The following CRTC1 variants were observed in gnomAD, a reference collection of about 807,000 sequenced individuals.
CRTC1 encodes CREB regulated transcription coactivator 1, also known as CREB-regulated transcription coactivator 1.
In CRTC1, 18 loss-of-function variants were observed where a neutral mutation model predicts 66.1. That is an observed-to-expected ratio of 0.27 (90% CI 0.19 to 0.40). CRTC1 has a LOEUF of 0.40. Ranked by LOEUF, CRTC1 falls within the 10% of genes least tolerant of loss-of-function variation. CRTC1 has a pLI of 1.00. For missense variants in CRTC1, 669 were observed against 887.9 expected, an observed-to-expected ratio of 0.75 and a Z score of 3.13; for synonymous variants, 416 against 398.8, an observed-to-expected ratio of 1.04 and a Z score of -0.51.
chr19:18,685,651 C>A (rs1207405618), intron 1 of CRTC1, among the ~76,000 whole-genome samples: 1 of 152,106 alleles, frequency 6.6e-6, no homozygotes, highest in Non-Finnish European at 1.5e-5. Flanking sequence ...GAGTGAAACT[C>A]CATTTCAAAA....
At chr19:18,740,217 C>G (rs1402499010) in intron 1 of CRTC1, among the ~76,000 whole-genome samples, 1 of 151,798 alleles carries the variant, frequency 6.6e-6, no homozygotes, top group African/African-American at 2.4e-5. Context: ...AGTGCCACTG[C>G]ACTCCAGCCT....
Position 18,718,232 on chromosome 19 carries a change from A to T in CRTC1, c.127-24678A>T, listed in dbSNP as rs529328989. Among the ~76,000 whole-genome samples, 13 of 151,930 alleles carry T rather than the reference A, an allele frequency of 8.6e-5. 1 individual carries two copies. In the South Asian group the frequency reaches 2.7e-3, roughly 32 times the overall value. On this transcript the variant is annotated intron_variant, in intron 1 of 13. Coordinates refer to ENST00000321949, the MANE Select transcript of CRTC1 (RefSeq NM_015321.3). Reference sequence around the variant, plus strand: ...GATTTGCCTGTTCTGAGCATTTCAGATCGATGGAATCTCACACCCTGTGGC... The same window carrying T: ...GATTTGCCTGTTCTGAGCATTTCAGTTCGATGGAATCTCACACCCTGTGGC...
intron 6 of CRTC1, among the ~76,000 whole-genome samples, chr19:18,754,585 T>G (rs1358890429): frequency 6.6e-6 from 1 of 152,188 alleles, no homozygotes; most frequent in African/African-American, 2.4e-5. Context: ...GAGGAATGAA[T>G]AAGGAACAAT....
rs1365877400 is a variant in CRTC1 at position 18,743,043 on chromosome 19, CT to C, written c.243+18del. On this transcript the variant is annotated intron_variant, in intron 2 of 13. Transcript: ENST00000321949. ...CCCTTCCAGGTGAGTGCCCCGCCCC[CT>C]GGCCCTGCCCCATTGTGGGGAGCTT... The C allele has an allele frequency of 3.8e-6, 6 of 1,579,112 alleles. No individual in the cohort carries two copies. The highest frequency in any genetic ancestry group is 2.7e-5 in the African/African-American group (2 of 74,202).
At chr19:18,687,865 G>A (rs566923407) in intron 1 of CRTC1, among the ~76,000 whole-genome samples, 4 of 152,130 alleles carry the variant, frequency 2.6e-5, no homozygotes, top group Admixed American at 6.6e-5. Flanking sequence ...TTGGGGCGGA[G>A]GGGTGGGTGT....
rs376689675 is a variant in CRTC1, at chr19:18,738,047, C to T, written c.127-4863C>T. 3.7e-4 allele frequency among the ~76,000 whole-genome samples: 57 copies of T among 152,208 alleles called. 1 individual carries two copies. In the East Asian group the frequency reaches 9.1e-3, roughly 24 times the overall value. On this transcript the variant is annotated intron_variant, in intron 1 of 13. Transcript: ENST00000321949. ...TCAGAAGTTATACTGGAGTGGGGCA[C>T]GGTGGCTCATGCCTCTAATCCCAGC...
At chr19:18,692,647 C>A (rs1258877626) in intron 1 of CRTC1, among the ~76,000 whole-genome samples, 1 of 151,504 alleles carries the variant, frequency 6.6e-6, no homozygotes, top group Non-Finnish European at 1.5e-5. Flanking sequence ...GCGACCAGGT[C>A]CACGTGCTCT....
intron 1 of CRTC1, among the ~76,000 whole-genome samples, chr19:18,725,289 G>A (rs2053723832): frequency 6.6e-6 from 1 of 152,046 alleles, no homozygotes; most frequent in Admixed American, 6.5e-5. Flanking sequence ...GCTCGGGCCT[G>A]AGGCCAGCAC....
At chr19:18,766,045 T>C (rs1228366920) in intron 9 of CRTC1, among the ~76,000 whole-genome samples, 1 of 152,154 alleles carries the variant, frequency 6.6e-6, no homozygotes, top group Non-Finnish European at 1.5e-5. Context: ...GTAGTTTGTA[T>C]GTGTCTAGGA....
intron 1 of CRTC1, among the ~76,000 whole-genome samples, chr19:18,704,247 G>A (rs2053210815): frequency 6.6e-6 from 1 of 152,072 alleles, no homozygotes; most frequent in Admixed American, 6.5e-5. Context: ...CAAGTAGCTG[G>A]GACTACACCA....
At chr19:18,766,358 C>T (rs58769151) in intron 9 of CRTC1, among the ~76,000 whole-genome samples, 9,291 of 146,532 alleles carry the variant, frequency 0.063, 993 homozygotes, top group African/African-American at 0.22. Flanking sequence ...AGGCTGGTCT[C>T]GAACTCCTGA....
At chr19:18,689,876 T>G (rs1315320092) in intron 1 of CRTC1, among the ~76,000 whole-genome samples, 2 of 151,872 alleles carry the variant, frequency 1.3e-5, no homozygotes, top group African/African-American at 4.8e-5. Flanking sequence ...CCGGGTCCTC[T>G]GGTAACTCTC....
chr19:18,749,666 C>A, intron 4 of CRTC1, 115 bp from the exon 5 acceptor site: 1 of 852,436 alleles, frequency 1.2e-6, no homozygotes, highest in East Asian at 2.5e-5. Flanking sequence ...CAGCAGCTCA[C>A]AAAAATGATC....
In CRTC1 at chr19:18,777,118, G is replaced by A. The variant is rs2055006651; in HGVS notation, c.1694-53G>A. 5 of 1,020,688 alleles carry A rather than the reference G, an allele frequency of 4.9e-6. No homozygotes were observed. Among genetic ancestry groups the A allele is most frequent in the East Asian group, 2.4e-5 (1 of 41,898 alleles). 63.2% of individuals were successfully genotyped at this position (1,020,688 alleles called of 1,614,324 possible). A position where few individuals can be genotyped will look rare whatever the true frequency, so the allele number is the denominator to read the frequency against. On this transcript the variant is annotated intron_variant, in intron 13 of 13. Coordinates refer to ENST00000321949, the MANE Select transcript of CRTC1 (RefSeq NM_015321.3). The surrounding 1 kb of genome is among the most constrained non-coding windows in gnomAD (Gnocchi z 5.5). ...CATGCCTGGTCCGACACATGGATGCGAGCGATGGAGCCAGGGCTAAGCAGT... is the reference window on the plus strand; with the variant it reads ...CATGCCTGGTCCGACACATGGATGCAAGCGATGGAGCCAGGGCTAAGCAGT...
At chr19:18,732,941 GT>G (rs1182739216) in intron 1 of CRTC1, among the ~76,000 whole-genome samples, 1 of 152,022 alleles carries the variant, frequency 6.6e-6, no homozygotes, top group Non-Finnish European at 1.5e-5. Context: ...AAAAAACTTA[GT>G]TGAGCGTGGT....
In CRTC1 at chr19:18,747,055, C is replaced by T. The variant is rs201695695; in HGVS notation, c.384C>T (p.Ala128=). The change falls in exon 4 of 14, where the codon GCC becomes GCT. Residue 128 remains alanine, a splice_region_variant and synonymous_variant. Coordinates refer to ENST00000321949, the MANE Select transcript of CRTC1 (RefSeq NM_015321.3). ...PLSVDKHGRQ[A]DSCPYGTMYL... is the part of the protein sequence containing the mutation. The stretch of plus-strand genomic sequence containing the variant: ...ACTGCCCCCTTAACTCACCTCACGC[C>T]GACAGCTGCCCCTATGGCACCATGT... 27 of 1,613,026 alleles carry T rather than the reference C, an allele frequency of 1.7e-5. No individual in the cohort carries two copies. The highest frequency in any genetic ancestry group is 1.6e-4 in the Middle Eastern group (1 of 6,072).
rs140269231 is a variant in CRTC1 at position 18,753,490 on chromosome 19, A to G, written c.539-10A>G. ...CTCTGATTCTCCTTCTCCCCCTCCC[A>G]CCTCCCCAGTCTTACTGTTAACAGT... On this transcript the variant is annotated splice_polypyrimidine_tract_variant and intron_variant, in intron 5 of 13. Transcript: ENST00000321949. The G allele has an allele frequency of 1.4e-3, 2,193 of 1,594,552 alleles. 28 individuals are homozygous for G. In the African/African-American group the frequency reaches 0.026, roughly 19 times the overall value.
At position 18,768,333 on chromosome 19, in the gene CRTC1, T is replaced by C; in HGVS notation, c.1012-152T>C. On this transcript the variant is annotated intron_variant, in intron 9 of 13. Transcript: ENST00000321949. This position sits in a 1 kb window ranked among gnomAD's most constrained non-coding sequence, Gnocchi z 5.6. The stretch of plus-strand genomic sequence containing the variant: ...GAGGCCCACCCTCTCTAGCCTGGGC[T>C]CCCTCATCGTGAGGAGCACCCAGCC... 1 of 647,260 alleles carries C rather than the reference T, an allele frequency of 1.5e-6. No individual in the cohort carries two copies. Among genetic ancestry groups the C allele is most frequent in the Non-Finnish European group, 2.6e-6 (1 of 383,802 alleles). 40.1% of individuals were successfully genotyped at this position (647,260 alleles called of 1,614,324 possible). A position where few individuals can be genotyped will look rare whatever the true frequency, so the allele number is the denominator to read the frequency against.
intron 1 of CRTC1, among the ~76,000 whole-genome samples, chr19:18,728,344 A>C (rs992011439): frequency 6.6e-6 from 1 of 152,156 alleles, no homozygotes; most frequent in Non-Finnish European, 1.5e-5. Flanking sequence ...TTCAGCTTCA[A>C]TCGCTGCCCA....
Sources: gnomAD v4.1 joint callset for allele counts (sites outside exome capture counted in the v4.1 genomes callset) on GRCh38, gnomAD v4.1.1 for gene constraint, Gnocchi (gnomAD v3.1) non-coding constraint, MANE v1.5 for transcripts, NCBI Gene and HGNC (gene_info 2026-07-23, HGNC 2026-07-21) for gene names.